PDE3A: variants seen among roughly 807,000 people sequenced by gnomAD.
The protein encoded by PDE3A is cGMP-inhibited 3',5'-cyclic phosphodiesterase 3A.
In PDE3A, 43 loss-of-function variants were observed where a neutral mutation model predicts 98.3. That is an observed-to-expected ratio of 0.44 (90% confidence interval 0.34 to 0.56). The LOEUF (loss-of-function observed/expected upper bound fraction) is 0.56. Among genes scored for constraint, PDE3A ranks in the 20% least tolerant of loss-of-function variants. The pLI is 0.01. For synonymous variants in PDE3A, 663 were observed against 567.9 expected (o/e 1.17, Z -2.38); for missense variants, 1,427 against 1,440.7 (o/e 0.99, Z 0.15).
chr12:20,654,226 C>T (rs2121520000), intron 15 of PDE3A, 21 bp downstream of exon 15: 1 of 1,609,874 alleles, frequency 6.2e-7, no homozygotes, highest in East Asian at 2.2e-5. Flanking sequence ...AAACCTAGTT[C>T]TAATGTGTTT....
intron 1 of PDE3A, among the ~76,000 whole-genome samples, chr12:20,514,472 T>A (rs772282148): frequency 3.9e-5 from 6 of 152,220 alleles, no homozygotes; most frequent in Non-Finnish European, 8.8e-5. Context: ...TGTGAAAATA[T>A]ATGCAATGGC....
intron 1 of PDE3A, among the ~76,000 whole-genome samples, chr12:20,496,140 A>G (rs541712348): frequency 1.3e-5 from 2 of 152,302 alleles, no homozygotes; most frequent in African/African-American, 4.8e-5. Flanking sequence ...TACTCAAGAA[A>G]TCATGTGCTG....
At position 20,688,003 on chromosome 12, in the gene PDE3A, G is replaced by T. The variant is rs988098521; in HGVS notation, c.*7732G>T. On this transcript the variant is annotated 3_prime_UTR_variant, in exon 16 of 16. Transcript: ENST00000359062. ...GACCTTGAAGGATATTTGTAAACCAGAGAGTATTTAATTAACTAAATTTAC... is the reference window on the plus strand; with the variant it reads ...GACCTTGAAGGATATTTGTAAACCATAGAGTATTTAATTAACTAAATTTAC... Among the ~76,000 whole-genome samples the T allele has an allele frequency of 6.7e-6, 1 of 148,684 alleles. No individual in the cohort carries two copies. Among genetic ancestry groups the T allele is most frequent in the Admixed American group, 6.8e-5 (1 of 14,810 alleles).
chr12:20,666,620 T>A (rs887626662), intron 15 of PDE3A, among the ~76,000 whole-genome samples: 4 of 152,252 alleles, frequency 2.6e-5, no homozygotes, highest in African/African-American at 9.6e-5. Flanking sequence ...TTATTCTTTT[T>A]ATGTCTGAAT....
chr12:20,429,093 C>T (rs780559348), intron 1 of PDE3A, among the ~76,000 whole-genome samples: 6 of 152,126 alleles, frequency 3.9e-5, no homozygotes, highest in African/African-American at 1.4e-4. Flanking sequence ...TCTGTGAAGT[C>T]GAATTTGCAA....
In PDE3A at chr12:20,686,588, C is replaced by T. The variant is rs1231701422; in HGVS notation, c.*6317C>T. Among the ~76,000 whole-genome samples the T allele has an allele frequency of 6.6e-6, 1 of 152,078 alleles. No individual in the cohort carries two copies. Among genetic ancestry groups the T allele is most frequent in the African/African-American group, 2.4e-5 (1 of 41,428 alleles). ...AATATTTCCGTGTCATTGAAAGTTC[C>T]TATTTCAAATTAAACAAACTACAGC... On this transcript the variant is annotated 3_prime_UTR_variant, in exon 16 of 16. Coordinates refer to ENST00000359062, the MANE Select transcript of PDE3A (RefSeq NM_000921.5).
chr12:20,399,569 G>A (rs1201921846), intron 1 of PDE3A, among the ~76,000 whole-genome samples: 1 of 152,038 alleles, frequency 6.6e-6, no homozygotes, highest in Non-Finnish European at 1.5e-5. Flanking sequence ...TTTACATACA[G>A]GATTCAGACT....
chr12:20,664,609 T>C (rs1945262292), intron 15 of PDE3A, among the ~76,000 whole-genome samples: 1 of 152,174 alleles, frequency 6.6e-6, no homozygotes, highest in Non-Finnish European at 1.5e-5. Context: ...TTCCCCCATA[T>C]TGTTCTCCTG....
intron 10 of PDE3A, among the ~76,000 whole-genome samples, chr12:20,640,180 C>A (rs965588617): frequency 6.6e-6 from 1 of 151,998 alleles, no homozygotes; most frequent in Non-Finnish European, 1.5e-5. Context: ...GCTCTACATG[C>A]CTCATTTCTT....
rs568879484 is a variant in PDE3A at position 20,586,270 on chromosome 12, G to A, written c.1012-27173G>A. Reference sequence around the variant, plus strand: ...GAGAGTTAAGTCATAGAGGGTCTGGGTTTAGATATGACACCCTCCCCTTTA... The same window carrying A: ...GAGAGTTAAGTCATAGAGGGTCTGGATTTAGATATGACACCCTCCCCTTTA... On this transcript the variant is annotated intron_variant, in intron 2 of 15. Transcript: ENST00000359062. Among the ~76,000 whole-genome samples, 254 of 152,282 alleles carry A rather than the reference G, an allele frequency of 1.7e-3. 1 individual carries two copies. The highest frequency in any genetic ancestry group is 5.9e-3 in the African/African-American group (247 of 41,554).
chr12:20,460,151 T>C (rs1565556279), intron 1 of PDE3A, among the ~76,000 whole-genome samples: 1 of 152,196 alleles, frequency 6.6e-6, no homozygotes, highest in Non-Finnish European at 1.5e-5. Context: ...TTCAACTCTC[T>C]AATCAATGCC....
chr12:20,676,307 A>AT (rs1342855316), intron 15 of PDE3A, among the ~76,000 whole-genome samples: 1 of 151,842 alleles, frequency 6.6e-6, no homozygotes, highest in Non-Finnish European at 1.5e-5. Context: ...AAAAGACTTT[A>AT]TTTTTCCTTC....
chr12:20,386,080 T>TA (rs1416860862), intron 1 of PDE3A, among the ~76,000 whole-genome samples: 1 of 46,354 alleles, frequency 2.2e-5, no homozygotes, highest in African/African-American at 8.5e-5. Context: ...AAAATATATA[T>TA]AAATATATAA....
At chr12:20,536,746 A>T (rs986465499) in intron 1 of PDE3A, among the ~76,000 whole-genome samples, 6 of 152,114 alleles carry the variant, frequency 3.9e-5, no homozygotes, top group Admixed American at 3.9e-4. Context: ...GCCAAATAAT[A>T]TTCCATTGTA....
Position 20,687,539 on chromosome 12 carries a change from T to A in PDE3A, c.*7268T>A, listed in dbSNP as rs73240404. 6.6e-6 allele frequency among the ~76,000 whole-genome samples: 1 copy of A among 152,018 alleles called. No individual in the cohort carries two copies. Among genetic ancestry groups the A allele is most frequent in the Non-Finnish European group, 1.5e-5 (1 of 67,966 alleles). Reference sequence around the variant, plus strand: ...TTATGACTGTCAGTTTATGTCTTAATGTATTCTCACAGAAGAATGCATACC... The same window carrying A: ...TTATGACTGTCAGTTTATGTCTTAAAGTATTCTCACAGAAGAATGCATACC... On this transcript the variant is annotated 3_prime_UTR_variant, in exon 16 of 16. Transcript: ENST00000359062.
At chr12:20,586,354 C>T (rs568538633) in intron 2 of PDE3A, among the ~76,000 whole-genome samples, 1 of 152,262 alleles carries the variant, frequency 6.6e-6, no homozygotes, top group South Asian at 2.1e-4. Flanking sequence ...TTCTGACCTC[C>T]GCCAAACCTC....
At chr12:20,622,668 A>T (rs909098742) in intron 5 of PDE3A, among the ~76,000 whole-genome samples, 5 of 152,150 alleles carry the variant, frequency 3.3e-5, no homozygotes, top group Non-Finnish European at 7.4e-5. Flanking sequence ...GCAAATACGG[A>T]TTTGCTCAGT....
chr12:20,611,620 T>G (rs1592110051), intron 2 of PDE3A, among the ~76,000 whole-genome samples: 1 of 152,014 alleles, frequency 6.6e-6, no homozygotes, highest in East Asian at 1.9e-4. Context: ...CCATTATTAT[T>G]ATAGTTATTG....
intron 1 of PDE3A, among the ~76,000 whole-genome samples, chr12:20,424,053 A>G: frequency 6.6e-6 from 1 of 152,268 alleles, no homozygotes; most frequent in South Asian, 2.1e-4. Context: ...TACAAACCAG[A>G]GGTAGAAAGT....
Sources: allele counts gnomAD v4.1 joint callset (sites outside exome capture counted in the v4.1 genomes callset), GRCh38; gene constraint gnomAD v4.1.1; transcripts MANE v1.5; gene names NCBI Gene and HGNC (gene_info 2026-07-23, HGNC 2026-07-21).